The following NRG1 variants were observed in gnomAD, a reference collection of about 807,000 sequenced individuals.
NRG1 encodes pro-neuregulin-1, membrane-bound isoform.
NRG1 carries 18 observed loss-of-function variants against 63.8 expected under a neutral mutation model. The ratio of observed to expected loss-of-function variants is 0.28; its 90% CI spans 0.19 to 0.42. The LOEUF (loss-of-function observed/expected upper bound fraction) is 0.42, where lower values mean the gene tolerates loss of function less well. NRG1 is among the 10% of genes least tolerant of loss of function. The probability of loss-of-function intolerance (pLI) is 1.00; values close to 1 mark genes in which losing one functional copy is unlikely to be tolerated. For missense variants in NRG1, 762 were observed against 814.7 expected (o/e 0.94, Z 0.79); for synonymous variants, 302 against 301.3 (o/e 1.00, Z -0.02).
chr8:32,259,744 T>G (rs564448010), intron 1 of NRG1, among the ~76,000 whole-genome samples: 3 of 152,274 alleles, frequency 2.0e-5, no homozygotes, highest in African/African-American at 7.2e-5. Context: ...CTTTTCCCTA[T>G]ACTCTCATTT....
At chr8:32,687,896 GC>G (rs1289857293) in intron 5 of NRG1, among the ~76,000 whole-genome samples, 1 of 152,110 alleles carries the variant, frequency 6.6e-6, no homozygotes, top group East Asian at 1.9e-4. Context: ...ATTTTCAGAG[GC>G]CAAGGTGGGA....
chr8:32,416,112 A>G (rs192982584), intron 1 of NRG1, among the ~76,000 whole-genome samples: 1 of 152,294 alleles, frequency 6.6e-6, no homozygotes, highest in African/African-American at 2.4e-5. Context: ...CAAATATATA[A>G]CCATTTGGAT....
intron 5 of NRG1, among the ~76,000 whole-genome samples, chr8:32,641,455 A>T (rs1290230278): frequency 6.6e-6 from 1 of 152,118 alleles, no homozygotes; most frequent in Non-Finnish European, 1.5e-5. Context: ...TGACCAATAA[A>T]CTGTGTTTGT....
chr8:32,667,748 A>G (rs1447587439), intron 5 of NRG1, among the ~76,000 whole-genome samples: 1 of 152,152 alleles, frequency 6.6e-6, no homozygotes, highest in Non-Finnish European at 1.5e-5. Context: ...TTAACTCATT[A>G]AAACTGGCTG....
intron 5 of NRG1, among the ~76,000 whole-genome samples, chr8:32,655,594 A>G (rs532143162): frequency 2.0e-4 from 31 of 152,286 alleles, no homozygotes; most frequent in African/African-American, 7.0e-4. Context: ...CCAGTGAATT[A>G]ATTTGTTATG....
intron 1 of NRG1, among the ~76,000 whole-genome samples, chr8:32,193,901 T>C (rs557075569): frequency 6.6e-5 from 10 of 152,318 alleles, no homozygotes; most frequent in South Asian, 2.1e-4. Context: ...TACTGCAAGT[T>C]AGCAGGAAGG....
At chr8:32,537,318 C>T (rs557981369) in intron 1 of NRG1, among the ~76,000 whole-genome samples, 1 of 151,324 alleles carries the variant, frequency 6.6e-6, no homozygotes, top group East Asian at 2.0e-4. Flanking sequence ...TGAGTTGGTT[C>T]ATTGTCTTCC....
At chr8:32,107,339 TC>T (rs1831421183) in intron 1 of NRG1, among the ~76,000 whole-genome samples, 1 of 152,236 alleles carries the variant, frequency 6.6e-6, no homozygotes, top group Admixed American at 6.5e-5. Context: ...GACATTTGTT[TC>T]CCATTTTGCC....
chr8:32,248,263 A>T (rs1056776510), intron 1 of NRG1, among the ~76,000 whole-genome samples: 1 of 152,104 alleles, frequency 6.6e-6, no homozygotes, highest in Non-Finnish European at 1.5e-5. Flanking sequence ...TGCACAAAGA[A>T]AAAAGGGAAA....
chr8:31,812,572 C>A (rs1284925107), intron 1 of NRG1, among the ~76,000 whole-genome samples: 1 of 151,584 alleles, frequency 6.6e-6, no homozygotes, highest in Admixed American at 6.6e-5. Context: ...TCCTTCCCTT[C>A]CTCCTCCCCT....
chr8:32,637,710 T>C (rs957176956), intron 5 of NRG1, among the ~76,000 whole-genome samples: 4 of 152,218 alleles, frequency 2.6e-5, no homozygotes, highest in Non-Finnish European at 5.9e-5. Context: ...ATAAAGCTAA[T>C]TGTAATGCTC....
chr8:32,374,219 T>C (rs1809317686), intron 1 of NRG1, among the ~76,000 whole-genome samples: 1 of 152,176 alleles, frequency 6.6e-6, no homozygotes, highest in Non-Finnish European at 1.5e-5. Context: ...CCCAAGTGCC[T>C]ATTAGAGGTG....
At chr8:31,965,298 C>T (rs1187507200) in intron 1 of NRG1, among the ~76,000 whole-genome samples, 2 of 151,842 alleles carry the variant, frequency 1.3e-5, no homozygotes, top group African/African-American at 4.8e-5. Context: ...TCTCAGCTCA[C>T]GGCAATGTCT....
At chr8:32,353,952 T>C (rs1805988410) in intron 1 of NRG1, among the ~76,000 whole-genome samples, 1 of 152,138 alleles carries the variant, frequency 6.6e-6, no homozygotes. Flanking sequence ...ATAAACAAAT[T>C]GCGGCATATA....
chr8:32,107,669 A>G (rs2131413615), intron 1 of NRG1, among the ~76,000 whole-genome samples: 1 of 152,308 alleles, frequency 6.6e-6, no homozygotes, highest in Middle Eastern at 3.4e-3. Flanking sequence ...TCACAAAGTA[A>G]CATACTGAAA....
intron 1 of NRG1, among the ~76,000 whole-genome samples, chr8:32,376,819 G>T (rs1329405544): frequency 1.3e-5 from 2 of 152,102 alleles, no homozygotes; most frequent in Admixed American, 6.5e-5. Context: ...TCCATTCTTT[G>T]ATTAGCAAGT....
chr8:32,540,303 CAG>C (rs776743308), intron 1 of NRG1, among the ~76,000 whole-genome samples: 1 of 152,170 alleles, frequency 6.6e-6, no homozygotes, highest in East Asian at 1.9e-4. Flanking sequence ...GCTTCTGAGA[CAG>C]AGCTATATTT....
intron 1 of NRG1, among the ~76,000 whole-genome samples, chr8:31,810,125 C>T (rs550300350): frequency 1.3e-5 from 2 of 152,206 alleles, no homozygotes; most frequent in East Asian, 3.9e-4. Flanking sequence ...TGAACTTGTG[C>T]TCACTTTTAT....
At chr8:32,463,282 G>A (rs558641361) in intron 1 of NRG1, among the ~76,000 whole-genome samples, 1 of 152,086 alleles carries the variant, frequency 6.6e-6, no homozygotes, top group Non-Finnish European at 1.5e-5. Context: ...ATGTCCATGA[G>A]GTGTTTATTT....
Sources: allele counts gnomAD v4.1 joint callset (sites outside exome capture counted in the v4.1 genomes callset), GRCh38; gene constraint gnomAD v4.1.1; transcripts MANE v1.5; gene names NCBI Gene and HGNC (gene_info 2026-07-23, HGNC 2026-07-21).